The following CACNA1S variants were observed in gnomAD, a reference collection of about 807,000 sequenced individuals.
CACNA1S encodes calcium voltage-gated channel subunit alpha1 S, also known as voltage-dependent L-type calcium channel subunit alpha-1S.
Under a neutral mutation model 207.4 loss-of-function variants are expected in CACNA1S, and 126 were observed. The ratio of observed to expected loss-of-function variants is 0.61; its 90% CI spans 0.53 to 0.70. CACNA1S has a LOEUF of 0.70. Ranked by LOEUF, CACNA1S falls within the 30% of genes least tolerant of loss-of-function variation. The probability of loss-of-function intolerance (pLI) is 0.00; values close to 1 mark genes in which losing one functional copy is unlikely to be tolerated. For synonymous variants in CACNA1S, 960 were observed against 932.7 expected (o/e 1.03, Z -0.53); for missense variants, 2,349 against 2,422.8 (o/e 0.97, Z 0.64).
chr1:201,085,282 G>C (rs1018494095), intron 8 of CACNA1S, among the ~76,000 whole-genome samples, 154 bp downstream of exon 8: 4 of 152,158 alleles, frequency 2.6e-5, no homozygotes, highest in African/African-American at 9.7e-5. Context: ...GTCACACCTG[G>C]ATCTTACCAT....
Position 201,040,341 on chromosome 1 carries a change from T to C in CACNA1S, c.5260A>G (p.Arg1754Gly), listed in dbSNP as rs1660105050. 6.2e-7 allele frequency: 1 copy of C among 1,613,828 alleles called. No individual in the cohort carries two copies. The highest frequency in any genetic ancestry group is 8.5e-7 in the Non-Finnish European group (1 of 1,179,932). The stretch of plus-strand genomic sequence containing the variant: ...AGAGACCCTGGTGTGGAGCTCTTTC[T>C]GTCCTCAGGCATGGAGGACTCCACC... ...PRVESSMPED[R>G]KSSTPGSLHE... The change falls in exon 43 of 44, where the codon AGA becomes GGA. Residue 1754 changes from arginine (R) to glycine (G), a missense_variant. Transcript: ENST00000362061.
intron 2 of CACNA1S, among the ~76,000 whole-genome samples, chr1:201,107,561 C>T (rs370160852): frequency 2.0e-5 from 3 of 152,324 alleles, no homozygotes; most frequent in East Asian, 1.9e-4. Flanking sequence ...AAGATGCATT[C>T]GTTAAATGAA....
Position 201,053,109 on chromosome 1 carries a change from G to C in CACNA1S, c.3861+100C>G, listed in dbSNP as rs1050308493. 1 of 1,314,944 alleles carries C rather than the reference G, an allele frequency of 7.6e-7. No homozygotes were observed. The highest frequency in any genetic ancestry group is 2.3e-5 in the East Asian group (1 of 43,524). 81.5% of individuals were successfully genotyped at this position (1,314,944 alleles called of 1,614,324 possible). ...TCACGAGCAAGGCAGGGAGGGCGGA[G>C]GGTCCAGCCCGTGTGCTGCTCAGGC... On this transcript the variant is annotated intron_variant, in intron 31 of 43. Transcript: ENST00000362061. This position sits in a 1 kb window ranked among gnomAD's most constrained non-coding sequence, Gnocchi z 5.1.
At chr1:201,075,324 C>T (rs1307461402) in intron 13 of CACNA1S, among the ~76,000 whole-genome samples, 171 bp downstream of exon 13, 1 of 152,216 alleles carries the variant, frequency 6.6e-6, no homozygotes. Flanking sequence ...AATTATCCTA[C>T]AGCTGTACCT....
At chr1:201,080,894 G>C (rs1336210445) in intron 10 of CACNA1S, among the ~76,000 whole-genome samples, 1 of 152,148 alleles carries the variant, frequency 6.6e-6, no homozygotes, top group Non-Finnish European at 1.5e-5. Flanking sequence ...TTACTTGTTT[G>C]CAACTTGATT....
At chr1:201,054,661 C>G in intron 28 of CACNA1S, 100 bp from the exon 29 acceptor site, 2 of 822,352 alleles carry the variant, frequency 2.4e-6, no homozygotes, top group Non-Finnish European at 3.7e-6. Flanking sequence ...GACAGACACA[C>G]AGAAGAGTTA....
In CACNA1S at chr1:201,077,989, C is replaced by T; in HGVS notation, c.1509G>A (p.Val503=). 2 of 1,614,160 alleles carry T rather than the reference C, an allele frequency of 1.2e-6. No individual in the cohort carries two copies. The highest frequency in any genetic ancestry group is 1.7e-6 in the Non-Finnish European group (2 of 1,179,978). The change falls in exon 11 of 44, where the codon GTG becomes GTA. Residue 503 remains valine (V), a synonymous_variant. Transcript: ENST00000362061. The stretch of plus-strand genomic sequence containing the variant: ...GGATCTCCAGGATACCGCTACACAC[C>T]ACGAAGCAGTCGAAGCGGTTGAAGA... ...MSIFNRFDCF[V]VCSGILEILL...
rs149668892 is a variant in CACNA1S at position 201,047,607 on chromosome 1, G to T, written c.4461C>A (p.Asn1487Lys). Residue 1487 changes from asparagine to lysine, a missense_variant, in exon 37 of 44, where the codon AAC becomes AAA. Transcript: ENST00000362061. ...TCTTGATGATGGCCCTCAGCTCCTC[G>T]TTGGCCTGCTCAAAGTTACCTGGAG... The part of the protein sequence containing the change: ...IKTEGNFEQA[N>K]EELRAIIKKI... The T allele has an allele frequency of 6.2e-7, 1 of 1,614,098 alleles. No individual in the cohort carries two copies. Among genetic ancestry groups the T allele is most frequent in the Non-Finnish European group, 8.5e-7 (1 of 1,179,968 alleles).
chr1:201,065,754 C>T (rs1229947414), intron 22 of CACNA1S, 84 bp downstream of exon 22: 1 of 904,912 alleles, frequency 1.1e-6, no homozygotes, highest in Non-Finnish European at 1.8e-6. Flanking sequence ...CATCTGTTTT[C>T]ACAATGTGGG....
chr1:201,085,234 A>G (rs776175002), intron 8 of CACNA1S, among the ~76,000 whole-genome samples: 3 of 152,172 alleles, frequency 2.0e-5, no homozygotes, highest in Non-Finnish European at 4.4e-5. Flanking sequence ...GGGAGGCGCT[A>G]TGAGGATGGG....
chr1:201,078,000 C>T lies in CACNA1S; in HGVS notation c.1498G>A (p.Asp500Asn), dbSNP rs1287772954. 3.7e-6 allele frequency: 6 copies of T among 1,613,994 alleles called. No homozygotes were observed. The highest frequency in any genetic ancestry group is 5.1e-6 in the Non-Finnish European group (6 of 1,179,980). Residue 500 changes from aspartate to asparagine, a missense_variant, in exon 11 of 44, where the codon GAC becomes AAC. Asp to Asn is a conservative substitution (Grantham distance 23, BLOSUM62 1). Coordinates refer to ENST00000362061, the MANE Select transcript of CACNA1S (RefSeq NM_000069.3). ...QYFMSIFNRF[D>N]CFVVCSGILE... ...ATACCGCTACACACCACGAAGCAGTCGAAGCGGTTGAAGATAGACATGAAG... is the reference window on the plus strand; with the variant it reads ...ATACCGCTACACACCACGAAGCAGTTGAAGCGGTTGAAGATAGACATGAAG...
Position 201,044,310 on chromosome 1 carries a change from C to T in CACNA1S, c.4797+18G>A. 1.2e-6 allele frequency: 2 copies of T among 1,612,738 alleles called. No individual in the cohort carries two copies. Among genetic ancestry groups the T allele is most frequent in the South Asian group, 1.1e-5 (1 of 91,068 alleles). On this transcript the variant is annotated intron_variant, in intron 39 of 43. Transcript: ENST00000362061. Reference sequence around the variant, plus strand: ...CATGGTGTCTAGACCACTAGGGGTGCTCCTGGCTCTCCCTCACCCGGAATA... The same window carrying T: ...CATGGTGTCTAGACCACTAGGGGTGTTCCTGGCTCTCCCTCACCCGGAATA...
intron 13 of CACNA1S, 114 bp downstream of exon 13, chr1:201,075,381 C>T: frequency 7.6e-7 from 1 of 1,323,864 alleles, no homozygotes; most frequent in Non-Finnish European, 1.1e-6. Context: ...GGGAGCTCCC[C>T]TCCAGCCAGA....
At chr1:201,112,087 G>C in intron 1 of CACNA1S, 101 bp downstream of exon 1, 1 of 1,214,146 alleles carries the variant, frequency 8.2e-7, no homozygotes, top group Non-Finnish European at 1.2e-6. Flanking sequence ...TAAGTGCCAG[G>C]CCTCCCTGGC....
chr1:201,059,780 C>T (rs1213164554), intron 26 of CACNA1S, among the ~76,000 whole-genome samples: 1 of 152,210 alleles, frequency 6.6e-6, no homozygotes, highest in Non-Finnish European at 1.5e-5. Context: ...ACTGTGTCTG[C>T]ACACCACCCC....
In CACNA1S at chr1:201,053,377, C is replaced by T. The variant is rs1660725441; in HGVS notation, c.3795+82G>A. On this transcript the variant is annotated intron_variant, in intron 30 of 43. Transcript: ENST00000362061. The surrounding 1 kb of genome is among the most constrained non-coding windows in gnomAD (Gnocchi z 5.1). ...CCAGGGCTCTGCCTTGCCCAGGGCT[C>T]CCCTGGGGCCCACCCTGGGCTGAGG... is the stretch of plus-strand genomic sequence containing the variant. The T allele has an allele frequency of 1.9e-6, 3 of 1,607,922 alleles. No homozygotes were observed. Among genetic ancestry groups the T allele is most frequent in the Non-Finnish European group, 1.7e-6 (2 of 1,174,742 alleles).
intron 27 of CACNA1S, 76 bp downstream of exon 27, chr1:201,059,112 TG>T (rs1660952073): frequency 1.1e-6 from 1 of 898,866 alleles, no homozygotes; most frequent in Non-Finnish European, 1.8e-6. Flanking sequence ...GGATGAGGGA[TG>T]GGGGTGGATG....
In CACNA1S at chr1:201,062,716, G is replaced by A. The variant is rs1036978810; in HGVS notation, c.2854-202C>T. Among the ~76,000 whole-genome samples, 8 of 152,302 alleles carry A rather than the reference G, an allele frequency of 5.3e-5. No individual in the cohort carries two copies. In the East Asian group the frequency reaches 1.5e-3, roughly 29 times the overall value. On this transcript the variant is annotated intron_variant, in intron 22 of 43. Transcript: ENST00000362061. ...AGAGCAGCCTCCTTTCTTCACCATC[G>A]TTCATTCCCACAGCTCCCCCAGGGC...
chr1:201,057,010 G>A (rs1412689861), intron 28 of CACNA1S, among the ~76,000 whole-genome samples: 3 of 152,164 alleles, frequency 2.0e-5, no homozygotes, highest in East Asian at 1.9e-4. Flanking sequence ...GACTGCTCTC[G>A]CTGGGTCAGC....
Sources: allele counts gnomAD v4.1 joint callset (sites outside exome capture counted in the v4.1 genomes callset), GRCh38; gene constraint gnomAD v4.1.1; non-coding constraint Gnocchi (gnomAD v3.1); transcripts MANE v1.5; gene names NCBI Gene and HGNC (gene_info 2026-07-23, HGNC 2026-07-21).